The following CPED1 variants were observed in gnomAD, a reference collection of about 807,000 sequenced individuals.
CPED1 encodes the protein cadherin-like and PC-esterase domain-containing protein 1.
In CPED1, 114 loss-of-function variants were observed where a neutral mutation model predicts 128.2. The ratio of observed to expected loss-of-function variants is 0.89; its 90% CI spans 0.76 to 1.04. CPED1 has a LOEUF of 1.04. CPED1 is among the 50% of genes least tolerant of loss of function. CPED1 has a pLI of 0.00. For synonymous variants in CPED1, 462 were observed against 426.7 expected, an observed-to-expected ratio of 1.08 and a Z score of -1.02; for missense variants, 1,211 against 1,207.1, an observed-to-expected ratio of 1.00 and a Z score of -0.05.
At chr7:121,155,306 G>A (rs1917111) in intron 16 of CPED1, among the ~76,000 whole-genome samples, 66,792 of 152,014 alleles carry the variant, frequency 0.44, 15,947 homozygotes, top group East Asian at 0.84. Flanking sequence ...TACAGATTCA[G>A]TGCAATCCCA....
In CPED1 at chr7:121,209,472, GA is replaced by G. The variant is rs910128239; in HGVS notation, c.2056-27240del. Reference sequence around the variant, plus strand: ...ATGAAACTATAAAAATTTGTTTGTGGAACATCTTACTATTGACAGTGAAATT... The same window carrying G: ...ATGAAACTATAAAAATTTGTTTGTGGACATCTTACTATTGACAGTGAAATT... On this transcript the variant is annotated intron_variant, in intron 16 of 22. Transcript: ENST00000310396. Among the ~76,000 whole-genome samples the G allele has an allele frequency of 3.9e-5, 6 of 152,024 alleles. No individual in the cohort carries two copies. In the East Asian group the frequency reaches 1.2e-3, roughly 29 times the overall value.
intron 16 of CPED1, among the ~76,000 whole-genome samples, chr7:121,161,701 C>T (rs997895904): frequency 6.6e-6 from 1 of 152,150 alleles, no homozygotes; most frequent in African/African-American, 2.4e-5. Flanking sequence ...TGCAAATCTA[C>T]ATTTCCCTGG....
intron 18 of CPED1, among the ~76,000 whole-genome samples, chr7:121,247,839 C>A (rs764433513): frequency 8.5e-5 from 13 of 152,168 alleles, no homozygotes; most frequent in Non-Finnish European, 1.8e-4. Context: ...TCCCTATCTC[C>A]CTCCAAGAAG....
In CPED1 at chr7:121,125,747, TATAA is replaced by T. The variant is rs370387816; in HGVS notation, c.1062-69_1062-66del. 1.3e-3 allele frequency: 1,500 copies of T among 1,146,708 alleles called. 14 individuals carry two copies. The African/African-American group carries it at 0.019, about 15-fold the overall frequency. The allele number at this position is 1,146,708 out of a possible 1,614,324, so 71.0% of individuals were successfully genotyped here. A position where few individuals can be genotyped will look rare whatever the true frequency, so the allele number is the denominator to read the frequency against. On this transcript the variant is annotated intron_variant, in intron 8 of 22. Transcript: ENST00000310396. ...TTGGGTTGGTTCCAAGTTTTGCTGT[TATAA>T]ATAGTGCATTAATAAACATCCATGT...
chr7:121,277,936 A>G (rs1011439103), intron 22 of CPED1, among the ~76,000 whole-genome samples: 1 of 152,140 alleles, frequency 6.6e-6, no homozygotes, highest in African/African-American at 2.4e-5. Flanking sequence ...ACCATTTGTG[A>G]AAAGGAGAGA....
chr7:121,094,092 T>C (rs1794640083), intron 5 of CPED1, among the ~76,000 whole-genome samples: 1 of 152,230 alleles, frequency 6.6e-6, no homozygotes, highest in Non-Finnish European at 1.5e-5. Context: ...GACTTATCAA[T>C]GCCCTCAGGC....
At chr7:121,139,274 T>G (rs992502883) in intron 14 of CPED1, among the ~76,000 whole-genome samples, 1 of 152,068 alleles carries the variant, frequency 6.6e-6, no homozygotes, top group African/African-American at 2.4e-5. Context: ...TTATTAAGAT[T>G]TTTTATGAAA....
chr7:121,219,878 ATT>A (rs1159391399), intron 16 of CPED1, among the ~76,000 whole-genome samples: 1 of 152,070 alleles, frequency 6.6e-6, no homozygotes. Flanking sequence ...TTAAAGCCAT[ATT>A]TTTAGGAAAA....
At chr7:121,227,226 T>TA (rs1345793960) in intron 16 of CPED1, among the ~76,000 whole-genome samples, 1 of 152,010 alleles carries the variant, frequency 6.6e-6, no homozygotes, top group East Asian at 1.9e-4. Flanking sequence ...AGTGGCCCTT[T>TA]CTCTGCAGCT....
intron 2 of CPED1, among the ~76,000 whole-genome samples, chr7:120,996,292 A>G (rs915818501): frequency 6.6e-6 from 1 of 152,138 alleles, no homozygotes; most frequent in African/African-American, 2.4e-5. Context: ...TCAAAAAAAA[A>G]AGAAAAGGGA....
At chr7:121,076,292 A>G (rs372391440) in intron 5 of CPED1, among the ~76,000 whole-genome samples, 2 of 152,214 alleles carry the variant, frequency 1.3e-5, no homozygotes, top group African/African-American at 4.8e-5. Flanking sequence ...CCTGCGAGAC[A>G]TAATTAACCA....
intron 14 of CPED1, among the ~76,000 whole-genome samples, chr7:121,138,436 G>C (rs919492040): frequency 6.6e-6 from 1 of 152,160 alleles, no homozygotes; most frequent in Non-Finnish European, 1.5e-5. Flanking sequence ...ATACTTCAGT[G>C]GAAGATGATG....
In CPED1 at chr7:121,098,737, T is replaced by TATATAA. The variant is rs1186941735; in HGVS notation, c.749+911_749+912insAATATA. On this transcript the variant is annotated intron_variant, in intron 6 of 22. Transcript: ENST00000310396. ...ACAGCAAGACCTTGTCTCAAATATA[T>TATATAA]ATATATAAAAATATATAAAAATATA... Among the ~76,000 whole-genome samples, 6 of 29,346 alleles carry TATATAA rather than the reference T, an allele frequency of 2.0e-4. 1 individual carries two copies. The highest frequency in any genetic ancestry group is 4.3e-4 in the African/African-American group (5 of 11,516). 19.3% of individuals were successfully genotyped at this position (29,346 alleles called of 152,430 possible).
intron 2 of CPED1, among the ~76,000 whole-genome samples, chr7:121,014,549 C>CAAAAAAAAAAAA (rs34128129): frequency 3.4e-5 from 4 of 117,146 alleles, no homozygotes; most frequent in Admixed American, 9.1e-5. Flanking sequence ...GACTTTGTCT[C>CAAAAAAAAAAAA]AAAAAAAAAA....
chr7:121,295,705 C>T lies in CPED1; in HGVS notation c.*53C>T. On this transcript the variant is annotated 3_prime_UTR_variant, in exon 23 of 23. Coordinates refer to ENST00000310396, the MANE Select transcript of CPED1 (RefSeq NM_024913.5). Reference sequence around the variant, plus strand: ...GCTGGAGACGAGCTAGTCACCCGGACAATGGTCTAGGAGCCAAGCGCTGCA... The same window carrying T: ...GCTGGAGACGAGCTAGTCACCCGGATAATGGTCTAGGAGCCAAGCGCTGCA... 6.6e-7 allele frequency: 1 copy of T among 1,521,048 alleles called. No homozygotes were observed. Among genetic ancestry groups the T allele is most frequent in the Non-Finnish European group, 9.1e-7 (1 of 1,098,620 alleles). 94.2% of individuals were successfully genotyped at this position (1,521,048 alleles called of 1,614,324 possible).
At chr7:121,232,491 T>C (rs75179609) in intron 16 of CPED1, among the ~76,000 whole-genome samples, 1 of 152,226 alleles carries the variant, frequency 6.6e-6, no homozygotes, top group East Asian at 1.9e-4. Flanking sequence ...AACCAGCAGA[T>C]GCCTTTGATC....
In CPED1 at chr7:121,147,580, G is replaced by T. The variant is rs570622093; in HGVS notation, c.2055+5439G>T. 4.7e-3 allele frequency among the ~76,000 whole-genome samples: 722 copies of T among 152,128 alleles called. 19 individuals carry two copies. Among genetic ancestry groups the T allele is most frequent in the South Asian group, 0.044 (212 of 4,814 alleles). ...TTAATACCCCTTTCCATATCAAAAA[G>T]TTTTGACATGGGGAACAATATAATA... On this transcript the variant is annotated intron_variant, in intron 16 of 22. Transcript: ENST00000310396.
rs532031746 is a variant in CPED1, at chr7:121,160,544, G to A, written c.2055+18403G>A. Among the ~76,000 whole-genome samples the A allele has an allele frequency of 5.3e-5, 8 of 152,298 alleles. No homozygotes were observed. In the East Asian group the frequency reaches 1.2e-3, roughly 22 times the overall value. Reference sequence around the variant, plus strand: ...AGCTTAGAGATGACTTCAAGAGGGAGAGAAAATTGCTTGTTTACCTGGCTG... The same window carrying A: ...AGCTTAGAGATGACTTCAAGAGGGAAAGAAAATTGCTTGTTTACCTGGCTG... On this transcript the variant is annotated intron_variant, in intron 16 of 22. Transcript: ENST00000310396.
At chr7:121,022,267 A>T (rs1044989239) in intron 3 of CPED1, among the ~76,000 whole-genome samples, 1 of 152,046 alleles carries the variant, frequency 6.6e-6, no homozygotes, top group African/African-American at 2.4e-5. Flanking sequence ...CTTTTATTTT[A>T]TTTGACTTTA....
Sources: gnomAD v4.1 joint callset for allele counts (sites outside exome capture counted in the v4.1 genomes callset) on GRCh38, gnomAD v4.1.1 for gene constraint, MANE v1.5 for transcripts, NCBI Gene and HGNC (gene_info 2026-07-23, HGNC 2026-07-21) for gene names.